Variants in PLB1 observed in about 807,000 individuals in gnomAD.
The protein encoded by PLB1 is phospholipase B1.
A neutral mutation model predicts 227.4 loss-of-function variants in PLB1; 242 were observed. That is an observed-to-expected ratio of 1.06 (90% CI 0.96 to 1.18). The LOEUF is 1.18. Among genes scored for constraint, PLB1 ranks in the 50% most tolerant of loss-of-function variants. PLB1 has a pLI of 0.00. For missense variants in PLB1, 1,858 were observed against 1,816.3 expected (o/e 1.02, Z -0.42); for synonymous variants, 757 against 682.2 (o/e 1.11, Z -1.71).
At chr2:28,522,601 C>T (rs1572727712) in intron 4 of PLB1, among the ~76,000 whole-genome samples, 3 of 152,160 alleles carry the variant, frequency 2.0e-5, no homozygotes, top group Admixed American at 6.5e-5. Flanking sequence ...GGGAAATCTC[C>T]GCCCAGCGTT....
In PLB1 at chr2:28,604,649, C is replaced by T; in HGVS notation, c.2857-6C>T. On this transcript the variant is annotated splice_region_variant and splice_polypyrimidine_tract_variant and intron_variant, in intron 40 of 57. Coordinates refer to ENST00000327757, the MANE Select transcript of PLB1 (RefSeq NM_153021.5). ...TGGGCTGAAGACCCTGTGCATGTGT[C>T]CCCAGAGCAGCATGCGCGAGCTGGT... 3 of 1,613,604 alleles carry T rather than the reference C, an allele frequency of 1.9e-6. No homozygotes were observed. Among genetic ancestry groups the T allele is most frequent in the Non-Finnish European group, 2.5e-6 (3 of 1,179,664 alleles).
chr2:28,593,466 G>A (rs554805731), intron 32 of PLB1, among the ~76,000 whole-genome samples: 31 of 152,322 alleles, frequency 2.0e-4, no homozygotes, highest in Middle Eastern at 3.4e-3. Flanking sequence ...TGAGCAGGGC[G>A]TGTCCTCAGC....
At chr2:28,529,557 C>A in intron 7 of PLB1, 150 bp downstream of exon 7, 1 of 944,058 alleles carries the variant, frequency 1.1e-6, no homozygotes, top group Non-Finnish European at 1.6e-6. Context: ...AAGCTGATTT[C>A]AGGCTGCCTG....
intron 43 of PLB1, among the ~76,000 whole-genome samples, chr2:28,613,763 A>G (rs954408288): frequency 6.6e-6 from 1 of 152,250 alleles, no homozygotes; most frequent in Non-Finnish European, 1.5e-5. Flanking sequence ...GGAGCTGTTC[A>G]GTTGCTAGGA....
At position 28,598,040 on chromosome 2, in the gene PLB1, C is replaced by A. The variant is rs746632049; in HGVS notation, c.2357C>A (p.Thr786Asn). The A allele has an allele frequency of 6.2e-7, 1 of 1,612,852 alleles. No homozygotes were observed. Among genetic ancestry groups the A allele is most frequent in the South Asian group, 1.1e-5 (1 of 90,988 alleles). ...GGDGSLENVT[T>N]LPNILREFNR... ...GACGGCTCCCTGGAGAATGTGACCACCTTACCTAGTAAGTAACCATCAGGG... is the reference window on the plus strand; with the variant it reads ...GACGGCTCCCTGGAGAATGTGACCAACTTACCTAGTAAGTAACCATCAGGG... Residue 786 changes from threonine to asparagine, a missense_variant, in exon 34 of 58, where the codon ACC (threonine) becomes AAC (asparagine). Transcript: ENST00000327757.
intron 39 of PLB1, 99 bp from the exon 40 acceptor site, chr2:28,603,867 A>T: frequency 9.1e-7 from 1 of 1,098,834 alleles, no homozygotes; most frequent in Non-Finnish European, 1.4e-6. Context: ...CCAGGGCGGG[A>T]GGGAGCCTCT....
At chr2:28,591,806 G>T (rs752599673) in intron 31 of PLB1, 46 bp downstream of exon 31, 6 of 1,580,754 alleles carry the variant, frequency 3.8e-6, no homozygotes, top group Non-Finnish European at 5.2e-6. Context: ...CTCCACAGGG[G>T]CTGCTATGCT....
At chr2:28,523,335 GTTT>G (rs199936505) in intron 4 of PLB1, among the ~76,000 whole-genome samples, 5,842 of 116,628 alleles carry the variant, frequency 0.05, 131 homozygotes, top group African/African-American at 0.088. Context: ...TATCTGCGAG[GTTT>G]TTTTTTTTTT....
At chr2:28,555,861 T>A (rs1467868765) in intron 17 of PLB1, among the ~76,000 whole-genome samples, 2 of 141,788 alleles carry the variant, frequency 1.4e-5, no homozygotes, top group Non-Finnish European at 3.1e-5. Context: ...AAAGTTACTT[T>A]CCTTTTTTTT....
intron 16 of PLB1, among the ~76,000 whole-genome samples, chr2:28,552,017 T>A (rs1345363984): frequency 3.9e-5 from 6 of 152,096 alleles, no homozygotes; most frequent in Admixed American, 3.9e-4. Context: ...TATGAGAGAT[T>A]AAAATGTAAA....
chr2:28,529,589 A>G, intron 7 of PLB1, 139 bp from the exon 8 acceptor site: 2 of 989,722 alleles, frequency 2.0e-6, no homozygotes, highest in East Asian at 2.5e-5. Context: ...TTTGAAAAAC[A>G]GGTCAATGCC....
chr2:28,538,270 C>T (rs1309416799), intron 9 of PLB1, 49 bp from the exon 10 acceptor site: 3 of 1,613,220 alleles, frequency 1.9e-6, no homozygotes, highest in Non-Finnish European at 2.5e-6. Context: ...GGCCTCACCT[C>T]GTGGTCCTCC....
chr2:28,497,696 C>T (rs930441828), intron 1 of PLB1, among the ~76,000 whole-genome samples: 5 of 152,044 alleles, frequency 3.3e-5, no homozygotes, highest in African/African-American at 4.8e-5. Context: ...TATGTGGTCC[C>T]ACCGTTGTCC....
At chr2:28,533,114 G>A (rs559553077) in intron 9 of PLB1, among the ~76,000 whole-genome samples, 42 of 152,168 alleles carry the variant, frequency 2.8e-4, no homozygotes, top group African/African-American at 8.7e-4. Context: ...TGGAGGTGGT[G>A]GTTTCTTTTC....
In PLB1 at chr2:28,550,054, C is replaced by T. The variant is rs1673970011; in HGVS notation, c.1053C>T (p.Thr351=). ...GCTACAGAAACAGCAACTACCTGAC[C>T]AGACTGCAGAAACCCCAAGACAAGC... is the stretch of plus-strand genomic sequence containing the variant. The part of the protein sequence containing the change: ...LFSYRNSNYL[T]RLQKPQDKLE... The change falls in exon 16 of 58, where the codon ACC becomes ACT. Residue 351 remains threonine, a synonymous_variant. Transcript: ENST00000327757. The T allele has an allele frequency of 6.2e-7, 1 of 1,613,410 alleles. No homozygotes were observed. Among genetic ancestry groups the T allele is most frequent in the South Asian group, 1.1e-5 (1 of 90,982 alleles).
At chr2:28,526,828 C>T (rs1479880113) in intron 6 of PLB1, among the ~76,000 whole-genome samples, 1 of 152,176 alleles carries the variant, frequency 6.6e-6, no homozygotes. Context: ...TTGTTAGGTT[C>T]CCTGGAAAGC....
rs543741676 is a variant in PLB1 at position 28,548,770 on chromosome 2, T to G, written c.937-90T>G. ...TTTCTAATGCGTTCCCTGGTACTGC[T>G]GCTGGACTAATGAGTCTTTCTCACT... On this transcript the variant is annotated intron_variant, in intron 14 of 57. Transcript: ENST00000327757. 119 of 1,259,622 alleles carry G rather than the reference T, an allele frequency of 9.4e-5. 1 individual carries two copies. Among genetic ancestry groups the G allele is most frequent in the Admixed American group, 7.3e-4 (41 of 56,006 alleles). The allele number at this position is 1,259,622 out of a possible 1,614,324, so 78.0% of individuals were successfully genotyped here.
chr2:28,634,273 T>A (rs1689039763), intron 56 of PLB1, among the ~76,000 whole-genome samples: 1 of 152,248 alleles, frequency 6.6e-6, no homozygotes, highest in Non-Finnish European at 1.5e-5. Context: ...CCACGATTTT[T>A]AAATCAGTTT....
chr2:28,612,889 G>A (rs956378143), intron 43 of PLB1, among the ~76,000 whole-genome samples: 4 of 150,528 alleles, frequency 2.7e-5, no homozygotes, highest in Non-Finnish European at 4.4e-5. Context: ...AAGTGCTGGG[G>A]TTACAGGTGT....
Sources: allele counts gnomAD v4.1 joint callset (sites outside exome capture counted in the v4.1 genomes callset), GRCh38; gene constraint gnomAD v4.1.1; transcripts MANE v1.5; gene names NCBI Gene and HGNC (gene_info 2026-07-23, HGNC 2026-07-21).